Variants in DSCAML1 observed in about 807,000 individuals in gnomAD.
DSCAML1 encodes the protein DS cell adhesion molecule like 1.
In DSCAML1, 38 loss-of-function variants were observed where a neutral mutation model predicts 200.5. The observed-to-expected ratio is 0.19, with a 90% CI of 0.15 to 0.25. The LOEUF is 0.25. Ranked by LOEUF, DSCAML1 falls within the 10% of genes least tolerant of loss-of-function variation. DSCAML1 has a pLI of 1.00. For synonymous variants in DSCAML1, 1,215 were observed against 1,165.0 expected (o/e 1.04, Z -0.87); for missense variants, 2,223 against 2,858.8 (o/e 0.78, Z 5.07).
chr11:117,430,912 G>A lies in DSCAML1; in HGVS notation c.5496C>T (p.Thr1832=), dbSNP rs749592593. Residue 1832 remains threonine (T), a synonymous_variant, in exon 32 of 33, where the codon ACC becomes ACT. Transcript: ENST00000651296. ...AGGAACTGTCAGAGATGAAGCACTC[G>A]GTGATCTCAAACTTGGCGTGCTGCA... is the stretch of plus-strand genomic sequence containing the variant. ...EQLQHAKFEI[T]ECFISDSSSD... 3.1e-6 allele frequency: 5 copies of A among 1,614,056 alleles called. No homozygotes were observed. Among genetic ancestry groups the A allele is most frequent in the East Asian group, 4.5e-5 (2 of 44,898 alleles).
chr11:117,493,010 C>A (rs150381600), intron 11 of DSCAML1, among the ~76,000 whole-genome samples: 3 of 152,296 alleles, frequency 2.0e-5, no homozygotes, highest in Non-Finnish European at 4.4e-5. Flanking sequence ...GCCAGGGGAG[C>A]TGGGGCCCAT....
intron 3 of DSCAML1, among the ~76,000 whole-genome samples, chr11:117,707,846 T>G (rs1054130332): frequency 4.6e-5 from 7 of 152,218 alleles, no homozygotes; most frequent in Admixed American, 2.6e-4. Flanking sequence ...AGGAAGCTTT[T>G]CAACAGTCCA....
intron 11 of DSCAML1, among the ~76,000 whole-genome samples, chr11:117,486,878 T>C (rs962528598): frequency 3.1e-5 from 3 of 98,178 alleles, no homozygotes; most frequent in Non-Finnish European, 6.2e-5. Context: ...ATTTCAAAAA[T>C]GTAGGAAGAA....
chr11:117,450,830 A>AG (rs1433345285), intron 19 of DSCAML1, 142 bp from the exon 20 acceptor site: 1 of 942,142 alleles, frequency 1.1e-6, no homozygotes, highest in Admixed American at 2.8e-5. Context: ...TTAGAAGGGG[A>AG]GGGTCCATCC....
intron 11 of DSCAML1, among the ~76,000 whole-genome samples, chr11:117,491,758 A>T (rs1476475154): frequency 1.3e-5 from 2 of 152,224 alleles, no homozygotes; most frequent in Non-Finnish European, 1.5e-5. Context: ...TGTACAACAG[A>T]GTGAGACTCT....
In DSCAML1 at chr11:117,571,662, C is replaced by T. The variant is rs541409484; in HGVS notation, c.512-39140G>A. ...AGGCCCTGGGTCTGGGTCCTCAGCC[C>T]GTCCTCCCCCCACCTACAGGTGTTC... On this transcript the variant is annotated intron_variant, in intron 3 of 32. Transcript: ENST00000651296. 5.3e-5 allele frequency among the ~76,000 whole-genome samples: 8 copies of T among 152,082 alleles called. No homozygotes were observed. The South Asian group carries it at 8.3e-4, about 16-fold the overall frequency.
chr11:117,708,193 A>G (rs1329958404), intron 3 of DSCAML1, among the ~76,000 whole-genome samples: 1 of 152,172 alleles, frequency 6.6e-6, no homozygotes. Flanking sequence ...CTCGGGCTGA[A>G]GGGACTTTAA....
intron 3 of DSCAML1, among the ~76,000 whole-genome samples, chr11:117,610,851 CCA>C (rs199682993): frequency 4.7e-5 from 7 of 147,812 alleles, no homozygotes; most frequent in African/African-American, 1.3e-4. Flanking sequence ...CCCCCCCCCC[CCA>C]CAATGTGTTC....
At chr11:117,663,955 C>T (rs2052920017) in intron 3 of DSCAML1, among the ~76,000 whole-genome samples, 1 of 152,216 alleles carries the variant, frequency 6.6e-6, no homozygotes, top group South Asian at 2.1e-4. Flanking sequence ...TGAGCTGTAA[C>T]AAGTACAGCA....
At chr11:117,450,733 C>T in intron 19 of DSCAML1, 45 bp from the exon 20 acceptor site, 4 of 1,594,186 alleles carry the variant, frequency 2.5e-6, no homozygotes, top group Non-Finnish European at 3.4e-6. Context: ...AGCAGGAGCA[C>T]AGCCTTTGGG....
intron 11 of DSCAML1, among the ~76,000 whole-genome samples, chr11:117,501,047 G>C (rs2049383796): frequency 6.6e-6 from 1 of 152,174 alleles, no homozygotes; most frequent in African/African-American, 2.4e-5. Context: ...GTTTGAGATG[G>C]ACTGAGGGAT....
intron 3 of DSCAML1, among the ~76,000 whole-genome samples, chr11:117,670,041 G>C (rs1156657075): frequency 6.6e-6 from 1 of 152,236 alleles, no homozygotes; most frequent in Non-Finnish European, 1.5e-5. Flanking sequence ...AGCGACCTTT[G>C]TCTGCCTTTA....
At chr11:117,760,694 G>A (rs183186150) in intron 3 of DSCAML1, among the ~76,000 whole-genome samples, 11 of 152,296 alleles carry the variant, frequency 7.2e-5, no homozygotes, top group Admixed American at 4.6e-4. Flanking sequence ...ACATGTGTGA[G>A]TTTCTTTAAG....
chr11:117,554,466 C>T (rs551244239), intron 3 of DSCAML1, among the ~76,000 whole-genome samples: 12 of 152,172 alleles, frequency 7.9e-5, no homozygotes, highest in South Asian at 6.2e-4. Context: ...CTGAAACCTC[C>T]GCCTCCTGGG....
intron 3 of DSCAML1, among the ~76,000 whole-genome samples, chr11:117,729,844 T>G (rs1439353214): frequency 6.6e-6 from 1 of 152,188 alleles, no homozygotes; most frequent in Non-Finnish European, 1.5e-5. Context: ...TATGATTAAA[T>G]CAAGGAATCT....
rs375863930 is a variant in DSCAML1, at chr11:117,465,030, G to A, written c.3177C>T (p.Phe1059=). The A allele has an allele frequency of 2.5e-6, 4 of 1,614,128 alleles. No homozygotes were observed. Among genetic ancestry groups the A allele is most frequent in the South Asian group, 1.1e-5 (1 of 91,084 alleles). ...EVYTLDNLKK[F]AQYGVVVQAF... is the part of the protein sequence containing the mutation. ...CTTGGACCACCACCCCATACTGGGC[G>A]AACTTCTTGAGGTTGTCCAGGGTGT... The change falls in exon 17 of 33, where the codon TTC becomes TTT. Residue 1059 remains phenylalanine, a synonymous_variant. Transcript: ENST00000651296.
chr11:117,525,791 C>G (rs1332872321), intron 4 of DSCAML1, among the ~76,000 whole-genome samples: 1 of 152,170 alleles, frequency 6.6e-6, no homozygotes, highest in East Asian at 1.9e-4. Context: ...GGCTGTAGAG[C>G]AGTGATGTGT....
chr11:117,777,589 T>C (rs1296102830), intron 2 of DSCAML1, among the ~76,000 whole-genome samples: 1 of 152,206 alleles, frequency 6.6e-6, no homozygotes, highest in African/African-American at 2.4e-5. Context: ...CCTAGAGACA[T>C]GGACACAGTC....
intron 3 of DSCAML1, among the ~76,000 whole-genome samples, chr11:117,657,632 G>A (rs1378456879): frequency 6.6e-6 from 1 of 152,106 alleles, no homozygotes; most frequent in Admixed American, 6.5e-5. Context: ...CATCTACATG[G>A]GGATCTGCTT....
Sources: gnomAD v4.1 joint callset for allele counts (sites outside exome capture counted in the v4.1 genomes callset) on GRCh38, gnomAD v4.1.1 for gene constraint, MANE v1.5 for transcripts, NCBI Gene and HGNC (gene_info 2026-07-23, HGNC 2026-07-21) for gene names.